The following IFT81 variants were observed in gnomAD, a reference collection of about 807,000 sequenced individuals.
IFT81 encodes intraflagellar transport 81, also known as intraflagellar transport protein 81 homolog.
Under a neutral mutation model 102.6 loss-of-function variants are expected in IFT81, and 72 were observed. That is an observed-to-expected ratio of 0.70 (90% CI 0.58 to 0.85). The LOEUF (loss-of-function observed/expected upper bound fraction) is 0.85, where lower values mean the gene tolerates loss of function less well. IFT81 is among the 40% of genes least tolerant of loss of function. The pLI is 0.00. For synonymous variants in IFT81, 237 were observed against 242.7 expected (o/e 0.98, Z 0.22); for missense variants, 723 against 787.3 (o/e 0.92, Z 0.98).
At position 110,193,263 on chromosome 12, in the gene IFT81, G is replaced by C. The variant is rs141277251; in HGVS notation, c.1557+557G>C. 5.9e-3 allele frequency among the ~76,000 whole-genome samples: 893 copies of C among 152,206 alleles called. 3 individuals are homozygous for C. Among genetic ancestry groups the C allele is most frequent in the African/African-American group, 0.021 (855 of 41,514 alleles). On this transcript the variant is annotated intron_variant, in intron 14 of 18. Transcript: ENST00000242591. ...AGGCAGAGGAGATGGAGAAAAAGCA[G>C]TTTAAGCTGAAATGCACAAATTCAG...
intron 11 of IFT81, among the ~76,000 whole-genome samples, chr12:110,163,474 TG>T (rs985670124): frequency 2.4e-4 from 36 of 152,144 alleles, no homozygotes; most frequent in African/African-American, 8.4e-4. Flanking sequence ...CTCCCGACCT[TG>T]GGTGATCTGC....
At chr12:110,159,161 A>G (rs760084584) in intron 10 of IFT81, among the ~76,000 whole-genome samples, 6 of 152,012 alleles carry the variant, frequency 3.9e-5, no homozygotes, top group Non-Finnish European at 8.8e-5. Flanking sequence ...GCACCAAAGG[A>G]TAGGCTAAAG....
At chr12:110,182,820 GT>G (rs1268042856) in intron 12 of IFT81, among the ~76,000 whole-genome samples, 1 of 152,152 alleles carries the variant, frequency 6.6e-6, no homozygotes, top group Non-Finnish European at 1.5e-5. Context: ...GCCTACAGTT[GT>G]CTGGAAGGGA....
At position 110,135,401 on chromosome 12, in the gene IFT81, A is replaced by G; in HGVS notation, c.660A>G (p.Glu220=). The change falls in exon 7 of 19, where the codon GAA becomes GAG. Residue 220 remains glutamate, a synonymous_variant. Coordinates refer to ENST00000242591, the MANE Select transcript of IFT81 (RefSeq NM_014055.4). ...TTCGAGTTGAAAAAGAGAGAGAAGA[A>G]TATCTTGCACAACAGAAACAGGAAC... is the stretch of plus-strand genomic sequence containing the variant. ...RQLRVEKERE[E]YLAQQKQEQK... is the part of the protein sequence containing the mutation. 1.2e-6 allele frequency: 2 copies of G among 1,612,556 alleles called. No individual in the cohort carries two copies.
intron 10 of IFT81, among the ~76,000 whole-genome samples, chr12:110,156,979 G>T (rs1895874412): frequency 6.6e-6 from 1 of 151,764 alleles, no homozygotes; most frequent in East Asian, 1.9e-4. Context: ...GATGCCTTCA[G>T]AATGTTCTCT....
chr12:110,183,839 C>T (rs1271704614), intron 12 of IFT81, among the ~76,000 whole-genome samples: 2 of 152,070 alleles, frequency 1.3e-5, no homozygotes, highest in Admixed American at 1.3e-4. Context: ...ATCCAGATAC[C>T]CCCATCCCAG....
intron 11 of IFT81, among the ~76,000 whole-genome samples, chr12:110,174,439 G>A (rs1301705257): frequency 1.4e-5 from 2 of 139,262 alleles, no homozygotes; most frequent in Admixed American, 1.5e-4. Context: ...TGGGAGACAA[G>A]AGCAAGACTC....
chr12:110,128,516 A>G (rs1035903314), intron 3 of IFT81, among the ~76,000 whole-genome samples: 2 of 151,760 alleles, frequency 1.3e-5, no homozygotes, highest in Non-Finnish European at 2.9e-5. Flanking sequence ...GGGGCCAGGC[A>G]TGGTAGCTCA....
chr12:110,155,558 C>G (rs751160741), intron 10 of IFT81, among the ~76,000 whole-genome samples: 1 of 152,140 alleles, frequency 6.6e-6, no homozygotes, highest in Non-Finnish European at 1.5e-5. Context: ...GTGATCTGCC[C>G]ACTTCGGCCT....
intron 10 of IFT81, among the ~76,000 whole-genome samples, chr12:110,158,780 AG>A (rs1224027770): frequency 6.6e-6 from 1 of 151,900 alleles, no homozygotes; most frequent in Non-Finnish European, 1.5e-5. Flanking sequence ...AATTAGAGAC[AG>A]GGTTTCACCT....
At position 110,128,908 on chromosome 12, in the gene IFT81, G is replaced by A. The variant is rs367639245; in HGVS notation, c.249-42G>A. On this transcript the variant is annotated intron_variant, in intron 3 of 18. Coordinates refer to ENST00000242591, the MANE Select transcript of IFT81 (RefSeq NM_014055.4). ...ATGCTGTCTCTCTTCAAAGTTTACC[G>A]TTAAGTGCGTGTGTGTTTGTGTATG... 29 of 1,490,994 alleles carry A rather than the reference G, an allele frequency of 1.9e-5. No homozygotes were observed. The African/African-American group carries it at 2.5e-4, about 13-fold the overall frequency. The allele number at this position is 1,490,994 out of a possible 1,614,324, so 92.4% of individuals were successfully genotyped here.
Position 110,195,377 on chromosome 12 carries a change from C to A in IFT81, c.1557+2671C>A, listed in dbSNP as rs1897956322. Among the ~76,000 whole-genome samples the A allele has an allele frequency of 2.6e-5, 4 of 152,246 alleles. No homozygotes were observed. In the South Asian group the frequency reaches 8.3e-4, roughly 32 times the overall value. On this transcript the variant is annotated intron_variant, in intron 14 of 18. Transcript: ENST00000242591. The stretch of plus-strand genomic sequence containing the variant: ...TCCTCCTCCCTTCCTTCCCTCTCCT[C>A]TAGCACCTGATTTTAGTAGATCGTA...
intron 14 of IFT81, among the ~76,000 whole-genome samples, chr12:110,195,284 A>G (rs1897952061): frequency 6.6e-6 from 1 of 151,756 alleles, no homozygotes; most frequent in Non-Finnish European, 1.5e-5. Flanking sequence ...ACTATTCATT[A>G]TTTATTTCTT....
At chr12:110,189,473 C>T (rs1375710264) in intron 12 of IFT81, among the ~76,000 whole-genome samples, 1 of 152,026 alleles carries the variant, frequency 6.6e-6, no homozygotes, top group East Asian at 1.9e-4. Flanking sequence ...CTCAGCCTCC[C>T]AAGTAGCTGG....
intron 11 of IFT81, among the ~76,000 whole-genome samples, chr12:110,167,406 C>A (rs1896499440): frequency 6.6e-6 from 1 of 152,124 alleles, no homozygotes; most frequent in African/African-American, 2.4e-5. Flanking sequence ...CCTACCCATC[C>A]AGTCAATCTT....
chr12:110,135,639 C>T (rs947398945), intron 7 of IFT81, among the ~76,000 whole-genome samples: 2 of 151,984 alleles, frequency 1.3e-5, no homozygotes, highest in Non-Finnish European at 2.9e-5. Flanking sequence ...GAGGCTGAGG[C>T]GGGCGAATCA....
Position 110,135,307 on chromosome 12 carries a change from T to C in IFT81, c.586-20T>C, listed in dbSNP as rs745405762. On this transcript the variant is annotated intron_variant, in intron 6 of 18. Transcript: ENST00000242591. ...CTTCAAACCTGACAGTAACATGTAC[T>C]ACTTATTCCCTTACTGTAGGTTGAG... is the stretch of plus-strand genomic sequence containing the variant. The C allele has an allele frequency of 2.2e-5, 32 of 1,473,582 alleles. 1 individual carries two copies. In the South Asian group the frequency reaches 3.7e-4, roughly 17 times the overall value. The allele number at this position is 1,473,582 out of a possible 1,614,324, so 91.3% of individuals were successfully genotyped here. A position where few individuals can be genotyped will look rare whatever the true frequency, so the allele number is the denominator to read the frequency against.
intron 11 of IFT81, among the ~76,000 whole-genome samples, chr12:110,178,071 G>A (rs941546061): frequency 6.6e-6 from 1 of 150,974 alleles, no homozygotes; most frequent in Non-Finnish European, 1.5e-5. Flanking sequence ...CTCCAGCCTA[G>A]GTGACAGAGC....
rs2137629897 is a variant in IFT81, at chr12:110,218,726, G to T, written c.*500G>T. 6.6e-6 allele frequency: 1 copy of T among 152,198 alleles called. No homozygotes were observed. The highest frequency in any genetic ancestry group is 1.9e-4 in the East Asian group (1 of 5,192). 9.4% of individuals were successfully genotyped at this position (152,198 alleles called of 1,614,324 possible). On this transcript the variant is annotated 3_prime_UTR_variant, in exon 19 of 19. Coordinates refer to ENST00000242591, the MANE Select transcript of IFT81 (RefSeq NM_014055.4). ...GAAAATTTAATATTTTGACTAACAT[G>T]TCTTTTCTGTTTGTATCATTTAAAG...
Sources: allele counts gnomAD v4.1 joint callset (sites outside exome capture counted in the v4.1 genomes callset), GRCh38; gene constraint gnomAD v4.1.1; transcripts MANE v1.5; gene names NCBI Gene and HGNC (gene_info 2026-07-23, HGNC 2026-07-21).